OSBPL3: variants seen among roughly 807,000 people sequenced by gnomAD.
OSBPL3 encodes oxysterol binding protein like 3, also known as oxysterol-binding protein-related protein 3.
In OSBPL3, 65 loss-of-function variants were observed where a neutral mutation model predicts 120.1. The observed-to-expected ratio is 0.54, with a 90% CI of 0.44 to 0.67. The LOEUF is 0.67. Among genes scored for constraint, OSBPL3 ranks in the 30% least tolerant of loss-of-function variants. The pLI, the probability that OSBPL3 is intolerant of heterozygous loss-of-function variation, is 0.00. For missense variants in OSBPL3, 1,004 were observed against 1,082.1 expected (o/e 0.93, Z 1.01); for synonymous variants, 416 against 402.6 (o/e 1.03, Z -0.40).
chr7:24,801,627 C>T (rs146840693), intron 22 of OSBPL3, among the ~76,000 whole-genome samples: 295 of 152,290 alleles, frequency 1.9e-3, no homozygotes, highest in African/African-American at 6.7e-3. Context: ...GCCCAAGGGT[C>T]GAATCCAGCC....
chr7:24,921,760 T>C (rs1331058263), intron 1 of OSBPL3, among the ~76,000 whole-genome samples: 1 of 152,186 alleles, frequency 6.6e-6, no homozygotes, highest in Non-Finnish European at 1.5e-5. Context: ...GGCTTCCTAG[T>C]ACTATCCCAG....
Position 24,805,841 on chromosome 7 carries a change from T to C in OSBPL3, c.2444+935A>G, listed in dbSNP as rs577270559. ...TTTTTCTAATGGGTTGATCTGTTAC[T>C]AGATTTCTAGAGGCAATTCATGACA... On this transcript the variant is annotated intron_variant, in intron 21 of 22. Transcript: ENST00000313367. This position sits in a 1 kb window ranked among gnomAD's most constrained non-coding sequence, Gnocchi z 4.0. Among the ~76,000 whole-genome samples, 4 of 152,336 alleles carry C rather than the reference T, an allele frequency of 2.6e-5. No individual in the cohort carries two copies. The East Asian group carries it at 7.7e-4, about 29-fold the overall frequency.
chr7:24,816,639 TG>T lies in OSBPL3; in HGVS notation c.1997del (p.Pro666GlnfsTer7), dbSNP rs778474141. The T allele has an allele frequency of 6.2e-7, 1 of 1,612,966 alleles. No individual in the cohort carries two copies. The highest frequency in any genetic ancestry group is 8.5e-7 in the Non-Finnish European group (1 of 1,179,024). Reference protein sequence around the residue: ...KFWGKSMEIVPIGTTHVTLPV... With the variant: ...KFWGKSMEIVXIGTTHVTLPV... ...GCAGAGTCACATGGGTTGTGCCAAT[TG>T]GAACAATTTCCATGGATTTGCCCCA... On this transcript the variant is annotated frameshift_variant, in exon 18 of 23. Transcript: ENST00000313367. LOFTEE classifies it high-confidence loss of function.
At chr7:24,864,467 G>C (rs1293821487) in intron 7 of OSBPL3, among the ~76,000 whole-genome samples, 1 of 152,106 alleles carries the variant, frequency 6.6e-6, no homozygotes, top group Admixed American at 6.5e-5. Flanking sequence ...AAGGCTTCAG[G>C]GACTGCTTTG....
In OSBPL3 at chr7:24,813,149, G is replaced by A. The variant is rs1584211780; in HGVS notation, c.2172+1910C>T. Among the ~76,000 whole-genome samples, 1 of 152,176 alleles carries A rather than the reference G, an allele frequency of 6.6e-6. No individual in the cohort carries two copies. The highest frequency in any genetic ancestry group is 2.4e-5 in the African/African-American group (1 of 41,438). ...CTGCTTCAGCCTCCCAAAGTGCTGG[G>A]ATTACAGGTGTGAGCCATGGCACCC... is the stretch of plus-strand genomic sequence containing the variant. On this transcript the variant is annotated intron_variant, in intron 19 of 22. Transcript: ENST00000313367. This position sits in a 1 kb window ranked among gnomAD's most constrained non-coding sequence, Gnocchi z 4.5.
chr7:24,974,285 A>C (rs1020568228), intron 1 of OSBPL3, among the ~76,000 whole-genome samples: 1 of 152,218 alleles, frequency 6.6e-6, no homozygotes. Context: ...ATTTCAAAGC[A>C]AATCCTAAAA....
intron 12 of OSBPL3, among the ~76,000 whole-genome samples, chr7:24,846,608 A>C (rs1248806860): frequency 1.3e-5 from 2 of 152,218 alleles, no homozygotes; most frequent in East Asian, 3.8e-4. Flanking sequence ...TAAAATAATC[A>C]AAGAACTGAT....
In OSBPL3 at chr7:24,964,280, G is replaced by C. The variant is rs1816129116; in HGVS notation, c.-150+15606C>G. ...CTTCCAAAGAGTATAGTATGGAAAG[G>C]CGAAGAAAAAATAACCATATGGTAG... is the stretch of plus-strand genomic sequence containing the variant. On this transcript the variant is annotated intron_variant, in intron 1 of 22. Coordinates refer to ENST00000313367, the MANE Select transcript of OSBPL3 (RefSeq NM_015550.4). The surrounding 1 kb of genome is among the most constrained non-coding windows in gnomAD (Gnocchi z 4.2). 6.6e-6 allele frequency among the ~76,000 whole-genome samples: 1 copy of C among 152,130 alleles called. No individual in the cohort carries two copies. The highest frequency in any genetic ancestry group is 2.1e-4 in the South Asian group (1 of 4,830).
rs957687456 is a variant in OSBPL3, at chr7:24,802,440, A to G, written c.2567+1875T>C. Among the ~76,000 whole-genome samples the G allele has an allele frequency of 5.9e-5, 9 of 152,230 alleles. No individual in the cohort carries two copies. Among genetic ancestry groups the G allele is most frequent in the African/African-American group, 2.2e-4 (9 of 41,450 alleles). On this transcript the variant is annotated intron_variant, in intron 22 of 22. Coordinates refer to ENST00000313367, the MANE Select transcript of OSBPL3 (RefSeq NM_015550.4). The surrounding 1 kb of genome is among the most constrained non-coding windows in gnomAD (Gnocchi z 4.1). ...CTAATACTATGATCATTTTACAGAC[A>G]GTCAAAAAGAAAAAGAGCAATGGCC...
At position 24,894,038 on chromosome 7, in the gene OSBPL3, A is replaced by C. The variant is rs991820936; in HGVS notation, c.-149-1417T>G. ...TCCATTATTAATGTTCACATAGTCT[A>C]ATTATAAAAAGAAGAGTATCATATA... On this transcript the variant is annotated intron_variant, in intron 1 of 22. Coordinates refer to ENST00000313367, the MANE Select transcript of OSBPL3 (RefSeq NM_015550.4). This position sits in a 1 kb window ranked among gnomAD's most constrained non-coding sequence, Gnocchi z 4.1. Among the ~76,000 whole-genome samples the C allele has an allele frequency of 2.6e-5, 4 of 152,282 alleles. No individual in the cohort carries two copies. The highest frequency in any genetic ancestry group is 6.8e-3 in the Middle Eastern group (2 of 294).
rs1409999257 is a variant in OSBPL3 at position 24,822,670 on chromosome 7, G to C, written c.1885-2432C>G. Among the ~76,000 whole-genome samples, 2 of 152,166 alleles carry C rather than the reference G, an allele frequency of 1.3e-5. No individual in the cohort carries two copies. Among genetic ancestry groups the C allele is most frequent in the Non-Finnish European group, 2.9e-5 (2 of 68,032 alleles). On this transcript the variant is annotated intron_variant, in intron 16 of 22. Transcript: ENST00000313367. This position sits in a 1 kb window ranked among gnomAD's most constrained non-coding sequence, Gnocchi z 5.8. ...GATGAAGAATTTGGCATCTTTACAG[G>C]TATGGCCGAATGTAAACACAGTATA...
intron 1 of OSBPL3, among the ~76,000 whole-genome samples, chr7:24,961,725 T>C (rs1282874293): frequency 1.3e-5 from 2 of 152,192 alleles, no homozygotes; most frequent in African/African-American, 4.8e-5. Flanking sequence ...GGCATTTTAT[T>C]ATAGCAGTCT....
rs1245292462 is a variant in OSBPL3, at chr7:24,861,819, G to C, written c.871-50C>G. ...TTTCTTTTCAGATGCAGATTGCTTAGAATATTTACTTGATTCTAAGATTGA... is the reference window on the plus strand; with the variant it reads ...TTTCTTTTCAGATGCAGATTGCTTACAATATTTACTTGATTCTAAGATTGA... On this transcript the variant is annotated intron_variant, in intron 9 of 22. Coordinates refer to ENST00000313367, the MANE Select transcript of OSBPL3 (RefSeq NM_015550.4). 2.8e-5 allele frequency: 34 copies of C among 1,228,148 alleles called. No homozygotes were observed. The East Asian group carries it at 9.2e-4, about 33-fold the overall frequency. The allele number at this position is 1,228,148 out of a possible 1,614,324, so 76.1% of individuals were successfully genotyped here. A position where few individuals can be genotyped will look rare whatever the true frequency, so the allele number is the denominator to read the frequency against.
intron 1 of OSBPL3, among the ~76,000 whole-genome samples, chr7:24,902,755 C>T (rs1807249882): frequency 6.8e-6 from 1 of 146,938 alleles, no homozygotes; most frequent in South Asian, 2.3e-4. Flanking sequence ...CTCTTGAATG[C>T]CACACCTAAA....
rs890928652 is a variant in OSBPL3, at chr7:24,808,457, G to A, written c.2317+1350C>T. On this transcript the variant is annotated intron_variant, in intron 20 of 22. Transcript: ENST00000313367. This position sits in a 1 kb window ranked among gnomAD's most constrained non-coding sequence, Gnocchi z 4.6. ...TTTATCAAGGTGGTACTTTAACACT[G>A]AGACAGGATCGCAGTTCTCATCTGT... Among the ~76,000 whole-genome samples the A allele has an allele frequency of 1.3e-5, 2 of 152,208 alleles. No homozygotes were observed. Among genetic ancestry groups the A allele is most frequent in the African/African-American group, 4.8e-5 (2 of 41,450 alleles).
rs1217870732 is a variant in OSBPL3, at chr7:24,834,338, CCAGACAGCT to C, written c.1746+139_1746+147del. ...ACTGGAAACAGCCAGGCGGAGGAAG[CCAGACAGCT>C]CTGAGTAATGAACCTGTTTACGGAA... On this transcript the variant is annotated intron_variant, in intron 15 of 22. Coordinates refer to ENST00000313367, the MANE Select transcript of OSBPL3 (RefSeq NM_015550.4). This position sits in a 1 kb window ranked among gnomAD's most constrained non-coding sequence, Gnocchi z 5.2. The C allele has an allele frequency of 6.8e-7, 1 of 1,478,598 alleles. No individual in the cohort carries two copies. The highest frequency in any genetic ancestry group is 1.4e-5 in the African/African-American group (1 of 70,548). The allele number at this position is 1,478,598 out of a possible 1,614,324, so 91.6% of individuals were successfully genotyped here.
At position 24,972,332 on chromosome 7, in the gene OSBPL3, G is replaced by A. The variant is rs770897693; in HGVS notation, c.-150+7554C>T. ...GACTCTGCTCATCTCATCCTCCTTT[G>A]AGGATTCCCCAGCCACATTCTCTTT... On this transcript the variant is annotated intron_variant, in intron 1 of 22. Coordinates refer to ENST00000313367, the MANE Select transcript of OSBPL3 (RefSeq NM_015550.4). The surrounding 1 kb of genome is among the most constrained non-coding windows in gnomAD (Gnocchi z 4.3). 1.3e-5 allele frequency among the ~76,000 whole-genome samples: 2 copies of A among 152,138 alleles called. No individual in the cohort carries two copies. The highest frequency in any genetic ancestry group is 4.1e-4 in the South Asian group (2 of 4,826).
At chr7:24,971,627 T>C (rs552441515) in intron 1 of OSBPL3, among the ~76,000 whole-genome samples, 59 of 152,196 alleles carry the variant, frequency 3.9e-4, no homozygotes, top group Middle Eastern at 6.8e-3. Flanking sequence ...AAGTGACTTC[T>C]CAAATGGAAA....
chr7:24,927,686 G>A (rs1811232511), intron 1 of OSBPL3, among the ~76,000 whole-genome samples: 2 of 152,050 alleles, frequency 1.3e-5, no homozygotes, highest in African/African-American at 4.8e-5. Context: ...CAAGTGGTAA[G>A]GGCATAATAA....
Sources: allele counts gnomAD v4.1 joint callset (sites outside exome capture counted in the v4.1 genomes callset), GRCh38; gene constraint gnomAD v4.1.1; non-coding constraint Gnocchi (gnomAD v3.1); transcripts MANE v1.5; gene names NCBI Gene and HGNC (gene_info 2026-07-23, HGNC 2026-07-21).